Variants in PPARGC1A observed in about 807,000 individuals in gnomAD.
PPARGC1A encodes the protein peroxisome proliferator-activated receptor gamma coactivator 1-alpha.
In PPARGC1A, 25 loss-of-function variants were observed where a neutral mutation model predicts 88.7. The ratio of observed to expected loss-of-function variants is 0.28; its 90% CI spans 0.21 to 0.39. The LOEUF is 0.39. Among genes scored for constraint, PPARGC1A ranks in the 10% least tolerant of loss-of-function variants. PPARGC1A has a pLI of 1.00. For missense variants in PPARGC1A, 880 were observed against 968.7 expected, an observed-to-expected ratio of 0.91 and a Z score of 1.22; for synonymous variants, 363 against 355.6, an observed-to-expected ratio of 1.02 and a Z score of -0.24.
At chr4:24,390,686 C>A in the PPARGC1A span, among the ~76,000 whole-genome samples, 2 of 151,934 alleles carry the variant, frequency 1.3e-5, no homozygotes, top group African/African-American at 4.8e-5. Context: ...TTTTTATATT[C>A]AATATTATAT....
the PPARGC1A span, among the ~76,000 whole-genome samples, chr4:24,386,909 A>G: frequency 6.6e-6 from 1 of 152,208 alleles, no homozygotes; most frequent in Non-Finnish European, 1.5e-5. Context: ...TTCATATGGA[A>G]CCAAACAGAG....
At chr4:24,063,421 A>G in the PPARGC1A span, among the ~76,000 whole-genome samples, 4 of 152,154 alleles carry the variant, frequency 2.6e-5, no homozygotes, top group African/African-American at 9.7e-5. Context: ...AGGGCTCCAC[A>G]TACTTTTCTG....
chr4:24,166,105 T>C, the PPARGC1A span, among the ~76,000 whole-genome samples: 1 of 152,162 alleles, frequency 6.6e-6, no homozygotes, highest in South Asian at 2.1e-4. Flanking sequence ...AAAACAGCCT[T>C]ATTGCCAATA....
chr4:24,374,595 A>T, the PPARGC1A span, among the ~76,000 whole-genome samples: 3 of 152,020 alleles, frequency 2.0e-5, no homozygotes, highest in African/African-American at 7.2e-5. Flanking sequence ...CTGAAGAGAC[A>T]TTTCTCTAAA....
At chr4:23,854,701 T>A (rs936397863) in intron 2 of PPARGC1A, among the ~76,000 whole-genome samples, 1 of 52,956 alleles carries the variant, frequency 1.9e-5, no homozygotes, top group African/African-American at 9.8e-5. Context: ...CCTTTAAAAT[T>A]TTTTTTTACT....
intron 12 of PPARGC1A, among the ~76,000 whole-genome samples, chr4:23,800,617 T>C (rs952199253): frequency 6.6e-6 from 1 of 150,854 alleles, no homozygotes; most frequent in Non-Finnish European, 1.5e-5. Flanking sequence ...AATAAATATA[T>C]ATATAAATTC....
At chr4:24,221,069 G>A in the PPARGC1A span, among the ~76,000 whole-genome samples, 3,750 of 152,146 alleles carry the variant, frequency 0.025, 50 homozygotes, top group Non-Finnish European at 0.039. Flanking sequence ...AAAATAAATC[G>A]TAATTCATTC....
At chr4:23,797,947 A>G (rs1458234277) in intron 12 of PPARGC1A, among the ~76,000 whole-genome samples, 2 of 151,966 alleles carry the variant, frequency 1.3e-5, no homozygotes, top group Non-Finnish European at 2.9e-5. Flanking sequence ...ACATTCCACA[A>G]CGAAAGAAGT....
chr4:24,464,336 C>T, the PPARGC1A span, among the ~76,000 whole-genome samples: 1 of 152,172 alleles, frequency 6.6e-6, no homozygotes, highest in African/African-American at 2.4e-5. Flanking sequence ...GAGATGATAA[C>T]ATCTATTTTC....
the PPARGC1A span, among the ~76,000 whole-genome samples, chr4:24,447,951 C>T: frequency 1.3e-5 from 2 of 152,310 alleles, no homozygotes; most frequent in South Asian, 2.1e-4. Flanking sequence ...CATTAAAACA[C>T]GCATTTTTAA....
the PPARGC1A span, among the ~76,000 whole-genome samples, chr4:24,099,702 G>A: frequency 6.6e-6 from 1 of 152,058 alleles, no homozygotes; most frequent in Middle Eastern, 3.2e-3. Context: ...AGGTTCTTGT[G>A]GCTGTTGTAA....
chr4:23,873,226 A>AAAAAAAAAG, intron 2 of PPARGC1A, among the ~76,000 whole-genome samples: 1 of 149,034 alleles, frequency 6.7e-6, no homozygotes, highest in African/African-American at 2.5e-5. Context: ...ATAAAAAATA[A>AAAAAAAAAG]AGAAAAAAAT....
At chr4:24,265,924 G>A in the PPARGC1A span, among the ~76,000 whole-genome samples, 1 of 152,002 alleles carries the variant, frequency 6.6e-6, no homozygotes, top group African/African-American at 2.4e-5. Flanking sequence ...CTAAAAAGAG[G>A]GGGAGCACAT....
the PPARGC1A span, among the ~76,000 whole-genome samples, chr4:23,917,570 G>A: frequency 6.6e-6 from 1 of 152,084 alleles, no homozygotes; most frequent in Non-Finnish European, 1.5e-5. Flanking sequence ...TGATCTGCCT[G>A]CCTCGGCTTC....
the PPARGC1A span, among the ~76,000 whole-genome samples, chr4:24,065,127 T>C: frequency 6.6e-6 from 1 of 152,180 alleles, no homozygotes; most frequent in Non-Finnish European, 1.5e-5. Context: ...CCTCATCTCA[T>C]GGCTGGAGAA....
the PPARGC1A span, among the ~76,000 whole-genome samples, chr4:24,207,333 A>T: frequency 6.6e-6 from 1 of 152,252 alleles, no homozygotes; most frequent in Non-Finnish European, 1.5e-5. Flanking sequence ...TCTCTAACAT[A>T]GTCCCAATAC....
At chr4:24,435,193 C>A in the PPARGC1A span, among the ~76,000 whole-genome samples, 1 of 152,182 alleles carries the variant, frequency 6.6e-6, no homozygotes, top group Admixed American at 6.5e-5. Context: ...CCTTTGAAGG[C>A]AGAACTGTTC....
chr4:23,976,177 A>G, the PPARGC1A span, among the ~76,000 whole-genome samples: 1 of 152,222 alleles, frequency 6.6e-6, no homozygotes, highest in Non-Finnish European at 1.5e-5. Flanking sequence ...ATAAACTATA[A>G]TGTGGGGCAG....
the PPARGC1A span, among the ~76,000 whole-genome samples, chr4:24,265,191 G>T: frequency 6.6e-6 from 1 of 152,170 alleles, no homozygotes; most frequent in Non-Finnish European, 1.5e-5. Flanking sequence ...ATTTGGTTCT[G>T]ATGTGGTCTA....
Sources: gnomAD v4.1 joint callset for allele counts (sites outside exome capture counted in the v4.1 genomes callset) on GRCh38, gnomAD v4.1.1 for gene constraint, MANE v1.5 for transcripts, NCBI Gene and HGNC (gene_info 2026-07-23, HGNC 2026-07-21) for gene names.